Variants in POU5F2 observed in about 807,000 individuals in gnomAD.
The protein encoded by POU5F2 is POU domain, class 5, transcription factor 2.
For missense variants in POU5F2, 401 were observed against 426.6 expected, an observed-to-expected ratio of 0.94 and a Z score of 0.53; for synonymous variants, 191 against 178.7, an observed-to-expected ratio of 1.07 and a Z score of -0.55.
rs1746554815 is a variant in POU5F2, at chr5:93,733,383, T to G, written c.*7194A>C. 6.6e-6 allele frequency: 1 copy of G among 152,008 alleles called. No homozygotes were observed. The highest frequency in any genetic ancestry group is 2.4e-5 in the African/African-American group (1 of 41,368). 9.4% of individuals were successfully genotyped at this position (152,008 alleles called of 1,614,324 possible). A position where few individuals can be genotyped will look rare whatever the true frequency, so the allele number is the denominator to read the frequency against. ...ACGCAGCTAACTTTTGTATTTTTAG[T>G]AGAGATGGGTTTTTACCATGTAGAC... On this transcript the variant is annotated 3_prime_UTR_variant, in exon 1 of 1. Transcript: ENST00000606183.
rs1394754144 is a variant in POU5F2, at chr5:93,736,559, A to G, written c.*4018T>C. The stretch of plus-strand genomic sequence containing the variant: ...AGATGTCATGAGAATGAGATCCCTC[A>G]AAACAGAAAAATAACCACCCTTAGA... On this transcript the variant is annotated 3_prime_UTR_variant, in exon 1 of 1. Coordinates refer to ENST00000606183, the MANE Select transcript of POU5F2 (RefSeq NM_153216.2). 1 of 152,202 alleles carries G rather than the reference A, an allele frequency of 6.6e-6. No individual in the cohort carries two copies. The allele number at this position is 152,202 out of a possible 1,614,324, so 9.4% of individuals were successfully genotyped here. A position where few individuals can be genotyped will look rare whatever the true frequency, so the allele number is the denominator to read the frequency against.
rs1306063117 is a variant in POU5F2, at chr5:93,734,492, C to T, written c.*6085G>A. On this transcript the variant is annotated 3_prime_UTR_variant, in exon 1 of 1. Transcript: ENST00000606183. ...ATGAACCATCTTTAAAGAAAATGCA[C>T]ATATGTACAAAAACATTATTCTGCT... 6.6e-6 allele frequency: 1 copy of T among 152,114 alleles called. No homozygotes were observed. The highest frequency in any genetic ancestry group is 1.5e-5 in the Non-Finnish European group (1 of 68,016). 9.4% of individuals were successfully genotyped at this position (152,114 alleles called of 1,614,324 possible).
At position 93,736,341 on chromosome 5, in the gene POU5F2, T is replaced by G. The variant is rs887116689; in HGVS notation, c.*4236A>C. On this transcript the variant is annotated 3_prime_UTR_variant, in exon 1 of 1. Coordinates refer to ENST00000606183, the MANE Select transcript of POU5F2 (RefSeq NM_153216.2). ...TTGTTACAATTTGTTTATAATTAAG[T>G]AATCTTTTTAAAGAGTTAGAAGAAT... 2.0e-5 allele frequency: 3 copies of G among 152,236 alleles called. No homozygotes were observed. The highest frequency in any genetic ancestry group is 4.4e-5 in the Non-Finnish European group (3 of 68,048). The allele number at this position is 152,236 out of a possible 1,614,324, so 9.4% of individuals were successfully genotyped here. A position where few individuals can be genotyped will look rare whatever the true frequency, so the allele number is the denominator to read the frequency against.
rs533926541 is a variant in POU5F2 at position 93,734,457 on chromosome 5, G to A, written c.*6120C>T. 1 of 152,248 alleles carries A rather than the reference G, an allele frequency of 6.6e-6. No homozygotes were observed. The highest frequency in any genetic ancestry group is 2.4e-5 in the African/African-American group (1 of 41,546). The allele number at this position is 152,248 out of a possible 1,614,324, so 9.4% of individuals were successfully genotyped here. On this transcript the variant is annotated 3_prime_UTR_variant, in exon 1 of 1. Coordinates refer to ENST00000606183, the MANE Select transcript of POU5F2 (RefSeq NM_153216.2). ...GAGCCACGGTCCTCTTTGAATATGT[G>A]ATGAAGGCTATGAACCATCTTTAAA...
At position 93,740,686 on chromosome 5, in the gene POU5F2, T is replaced by A; in HGVS notation, c.878A>T (p.His293Leu). Residue 293 changes from histidine (H) to leucine (L), a missense_variant, in exon 1 of 1, where the codon CAC (histidine) becomes CTC (leucine). By Grantham distance (99) the His-to-Leu change is moderately conservative. Coordinates refer to ENST00000606183, the MANE Select transcript of POU5F2 (RefSeq NM_153216.2). Reference sequence around the variant, plus strand: ...ATCCACTGGGAGCCCCAGTCCCAGGTGAAAGCACACTGGTGCTCCTGGGCA... The same window carrying A: ...ATCCACTGGGAGCCCCAGTCCCAGGAGAAAGCACACTGGTGCTCCTGGGCA... ...PPCPGAPVCFHLGLGLPVDIP... is the reference protein window; with the variant it reads ...PPCPGAPVCFLLGLGLPVDIP... 1 of 1,613,832 alleles carries A rather than the reference T, an allele frequency of 6.2e-7. No homozygotes were observed. Among genetic ancestry groups the A allele is most frequent in the East Asian group, 2.2e-5 (1 of 44,846 alleles).
chr5:93,741,539 G>A lies in POU5F2; in HGVS notation c.25C>T (p.His9Tyr). ...CCACTGCCTGGAAGGGGGCAGAAGT[G>A]GTTTGAGGGCCTGTGTCCGGCCATG... MAGHRPSN[H>Y]FCPLPGSGGG... Residue 9 changes from histidine to tyrosine, a missense_variant, in exon 1 of 1, where the codon CAC becomes TAC. Physicochemically the swap from His to Tyr is moderately conservative, Grantham distance 83. Transcript: ENST00000606183. 1 of 1,589,658 alleles carries A rather than the reference G, an allele frequency of 6.3e-7. No homozygotes were observed. The highest frequency in any genetic ancestry group is 1.8e-5 in the Admixed American group (1 of 56,678).
chr5:93,741,506 C>A lies in POU5F2; in HGVS notation c.58G>T (p.Gly20Cys), dbSNP rs575553090. 1.2e-6 allele frequency: 2 copies of A among 1,611,000 alleles called. No homozygotes were observed. The highest frequency in any genetic ancestry group is 1.7e-6 in the Non-Finnish European group (2 of 1,178,728). Residue 20 changes from glycine (G) to cysteine (C), a missense_variant, in exon 1 of 1, where the codon GGC (glycine) becomes TGC (cysteine). By Grantham distance (159) the Gly-to-Cys change is radical. Coordinates refer to ENST00000606183, the MANE Select transcript of POU5F2 (RefSeq NM_153216.2). ...CGCAGGGGCATCGGCCCTCTGGGGC[C>A]GCCCCCACCACTGCCTGGAAGGGGG... Reference protein sequence around the residue: ...FCPLPGSGGGGPRGPMPLRVD... With the variant: ...FCPLPGSGGGCPRGPMPLRVD...
chr5:93,740,872 C>T lies in POU5F2; in HGVS notation c.692G>A (p.Arg231Gln), dbSNP rs371786597. The change falls in exon 1 of 1, where the codon CGG (arginine) becomes CAG (glutamine). Residue 231 changes from arginine (R) to glutamine (Q), a missense_variant. By Grantham distance (43) the Arg-to-Gln change is conservative. Coordinates refer to ENST00000606183, the MANE Select transcript of POU5F2 (RefSeq NM_153216.2). ...IGNSLEKFFQ[R>Q]CPKPTPQQIS... Reference sequence around the variant, plus strand: ...TTGCTGGGGTGTGGGCTTAGGGCACCGCTGGAAGAATTTCTCCAGGCTGTT... The same window carrying T: ...TTGCTGGGGTGTGGGCTTAGGGCACTGCTGGAAGAATTTCTCCAGGCTGTT... 16 of 1,613,868 alleles carry T rather than the reference C, an allele frequency of 9.9e-6. No individual in the cohort carries two copies. The highest frequency in any genetic ancestry group is 1.7e-5 in the Admixed American group (1 of 60,000).
chr5:93,734,827 T>C lies in POU5F2; in HGVS notation c.*5750A>G, dbSNP rs1282343446. On this transcript the variant is annotated 3_prime_UTR_variant, in exon 1 of 1. Coordinates refer to ENST00000606183, the MANE Select transcript of POU5F2 (RefSeq NM_153216.2). ...TTTCTTTTTCTTTTGCTTTTTTTTT[T>C]TGAGACAGAGTCTCACTTTGTTGCC... 2 of 152,116 alleles carry C rather than the reference T, an allele frequency of 1.3e-5. No individual in the cohort carries two copies. The highest frequency in any genetic ancestry group is 4.8e-5 in the African/African-American group (2 of 41,420). The allele number at this position is 152,116 out of a possible 1,614,324, so 9.4% of individuals were successfully genotyped here.
rs147041924 is a variant in POU5F2, at chr5:93,741,204, C to G, written c.360G>C (p.Ser120=). 1 of 1,613,850 alleles carries G rather than the reference C, an allele frequency of 6.2e-7. No homozygotes were observed. The highest frequency in any genetic ancestry group is 8.5e-7 in the Non-Finnish European group (1 of 1,179,876). Residue 120 remains serine (S), a synonymous_variant, in exon 1 of 1, where the codon TCG becomes TCC. Coordinates refer to ENST00000606183, the MANE Select transcript of POU5F2 (RefSeq NM_153216.2). ...IPKLPPPEDI[S]GILKELQQLA... The stretch of plus-strand genomic sequence containing the variant: ...ATTGCTGCAACTCTTTCAGTATGCC[C>G]GAGATGTCCTCTGGCGGCGGCAACT...
rs1397974740 is a variant in POU5F2, at chr5:93,737,847, C to G, written c.*2730G>C. On this transcript the variant is annotated 3_prime_UTR_variant, in exon 1 of 1. Transcript: ENST00000606183. ...ATACAAAAATTAACTTGAAATGGAT[C>G]AAAGTCCTAAATTTAATAAATAAAA... is the stretch of plus-strand genomic sequence containing the variant. 1 of 418,914 alleles carries G rather than the reference C, an allele frequency of 2.4e-6. No individual in the cohort carries two copies. The highest frequency in any genetic ancestry group is 3.0e-5 in the Admixed American group (1 of 33,284). The allele number at this position is 418,914 out of a possible 1,614,324, so 25.9% of individuals were successfully genotyped here.
rs975560913 is a variant in POU5F2, at chr5:93,735,452, T to C, written c.*5125A>G. 2 of 152,222 alleles carry C rather than the reference T, an allele frequency of 1.3e-5. No homozygotes were observed. Among genetic ancestry groups the C allele is most frequent in the Non-Finnish European group, 2.9e-5 (2 of 68,058 alleles). 9.4% of individuals were successfully genotyped at this position (152,222 alleles called of 1,614,324 possible). A position where few individuals can be genotyped will look rare whatever the true frequency, so the allele number is the denominator to read the frequency against. ...CCCTGAGATTGAGAGCTCATCACAA[T>C]TTCTCCACATCTGTAGAGGCTGCAG... On this transcript the variant is annotated 3_prime_UTR_variant, in exon 1 of 1. Coordinates refer to ENST00000606183, the MANE Select transcript of POU5F2 (RefSeq NM_153216.2).
Position 93,737,928 on chromosome 5 carries a change from C to T in POU5F2, c.*2649G>A. The T allele has an allele frequency of 2.2e-6, 1 of 447,584 alleles. No homozygotes were observed. The allele number at this position is 447,584 out of a possible 1,614,324, so 27.7% of individuals were successfully genotyped here. A position where few individuals can be genotyped will look rare whatever the true frequency, so the allele number is the denominator to read the frequency against. ...CAAATCTTCATGACTTTGCATTTGG[C>T]AACATGAAAAGCCTAAGCAACAAAA... On this transcript the variant is annotated 3_prime_UTR_variant, in exon 1 of 1. Coordinates refer to ENST00000606183, the MANE Select transcript of POU5F2 (RefSeq NM_153216.2).
rs1746746191 is a variant in POU5F2 at position 93,734,272 on chromosome 5, T to C, written c.*6305A>G. On this transcript the variant is annotated 3_prime_UTR_variant, in exon 1 of 1. Transcript: ENST00000606183. Reference sequence around the variant, plus strand: ...TTACAAGACTTATGTAAAATGCAACTCAGGGCCTTCATATGACACTGAGCT... The same window carrying C: ...TTACAAGACTTATGTAAAATGCAACCCAGGGCCTTCATATGACACTGAGCT... The C allele has an allele frequency of 6.6e-6, 1 of 152,170 alleles. No homozygotes were observed. The highest frequency in any genetic ancestry group is 2.1e-4 in the South Asian group (1 of 4,830). The allele number at this position is 152,170 out of a possible 1,614,324, so 9.4% of individuals were successfully genotyped here.
At position 93,735,745 on chromosome 5, in the gene POU5F2, T is replaced by C. The variant is rs937613894; in HGVS notation, c.*4832A>G. The stretch of plus-strand genomic sequence containing the variant: ...ATTTGGCTTTATTTTCACTAACTTA[T>C]GTGGATCCTCAGTGCTCTACCTTTA... On this transcript the variant is annotated 3_prime_UTR_variant, in exon 1 of 1. Transcript: ENST00000606183. The C allele has an allele frequency of 1.7e-4, 26 of 152,184 alleles. No individual in the cohort carries two copies. Among genetic ancestry groups the C allele is most frequent in the African/African-American group, 6.3e-4 (26 of 41,450 alleles). 9.4% of individuals were successfully genotyped at this position (152,184 alleles called of 1,614,324 possible).
In POU5F2 at chr5:93,741,485, G is replaced by C. The variant is rs1489460079; in HGVS notation, c.79C>G (p.Leu27Val). The change falls in exon 1 of 1, where the codon CTG becomes GTG. Residue 27 changes from leucine to valine, a missense_variant. Transcript: ENST00000606183. The stretch of plus-strand genomic sequence containing the variant: ...AACCAGGTCAGAGTGTCAACCCGCA[G>C]GGGCATCGGCCCTCTGGGGCCGCCC... The part of the protein sequence containing the change: ...GGGGPRGPMP[L>V]RVDTLTWLST... 6.2e-7 allele frequency: 1 copy of C among 1,613,280 alleles called. No homozygotes were observed. The highest frequency in any genetic ancestry group is 1.7e-5 in the Admixed American group (1 of 59,990).
chr5:93,741,247 G>A lies in POU5F2; in HGVS notation c.317C>T (p.Ala106Val). ...CGGCAACTTCGGAATGCTCCGCAGGGCAATGTAGGGCCCCGGGAGGGCGCC... is the reference window on the plus strand; with the variant it reads ...CGGCAACTTCGGAATGCTCCGCAGGACAATGTAGGGCCCCGGGAGGGCGCC... ...SEGALPGPYI[A>V]LRSIPKLPPP... Residue 106 changes from alanine to valine, a missense_variant, in exon 1 of 1, where the codon GCC (alanine) becomes GTC (valine). Ala to Val is a moderately conservative substitution (Grantham distance 64). Coordinates refer to ENST00000606183, the MANE Select transcript of POU5F2 (RefSeq NM_153216.2). 1.2e-6 allele frequency: 2 copies of A among 1,613,914 alleles called. No individual in the cohort carries two copies. The highest frequency in any genetic ancestry group is 1.7e-6 in the Non-Finnish European group (2 of 1,179,882).
At position 93,739,326 on chromosome 5, in the gene POU5F2, G is replaced by GA. The variant is rs750626967; in HGVS notation, c.*1250dup. On this transcript the variant is annotated 3_prime_UTR_variant, in exon 1 of 1. Transcript: ENST00000606183. ...AATGAAAGAAACCAGAAGAAACTAG[G>GA]AAAAAATTAAGAAGAATGAAGTAAA... 5.3e-5 allele frequency: 8 copies of GA among 151,714 alleles called. No individual in the cohort carries two copies. Among genetic ancestry groups the GA allele is most frequent in the Non-Finnish European group, 8.8e-5 (6 of 67,952 alleles). The allele number at this position is 151,714 out of a possible 1,614,324, so 9.4% of individuals were successfully genotyped here.
rs1410069465 is a variant in POU5F2 at position 93,733,281 on chromosome 5, AC to A, written c.*7295del. 2.7e-5 allele frequency: 4 copies of A among 149,828 alleles called. No individual in the cohort carries two copies. Among genetic ancestry groups the A allele is most frequent in the African/African-American group, 4.9e-5 (2 of 40,610 alleles). The allele number at this position is 149,828 out of a possible 1,614,324, so 9.3% of individuals were successfully genotyped here. A position where few individuals can be genotyped will look rare whatever the true frequency, so the allele number is the denominator to read the frequency against. The stretch of plus-strand genomic sequence containing the variant: ...AGGGGCATGATCTTGGCTCACTGCA[AC>A]CTCCGCCTCCCGGGTTCACGCCATT... On this transcript the variant is annotated 3_prime_UTR_variant, in exon 1 of 1. Coordinates refer to ENST00000606183, the MANE Select transcript of POU5F2 (RefSeq NM_153216.2).
Sources: allele counts gnomAD v4.1 joint callset, GRCh38; gene constraint gnomAD v4.1.1; transcripts MANE v1.5; gene names NCBI Gene and HGNC (gene_info 2026-07-23, HGNC 2026-07-21).